The following ATP2A2 variants were observed in gnomAD, a reference collection of about 807,000 sequenced individuals.
The protein encoded by ATP2A2 is ATPase sarcoplasmic/endoplasmic reticulum Ca2+ transporting 2.
A neutral mutation model predicts 109.3 loss-of-function variants in ATP2A2; 14 were observed. That is an observed-to-expected ratio of 0.13 (90% CI 0.08 to 0.20). The LOEUF is 0.20. ATP2A2 is among the 10% of genes least tolerant of loss of function. The pLI is 1.00. For synonymous variants in ATP2A2, 506 were observed against 490.9 expected, an observed-to-expected ratio of 1.03 and a Z score of -0.41; for missense variants, 657 against 1,321.6, an observed-to-expected ratio of 0.50 and a Z score of 7.80.
chr12:110,335,002 T>C (rs1878706746), intron 11 of ATP2A2, among the ~76,000 whole-genome samples: 1 of 152,198 alleles, frequency 6.6e-6, no homozygotes, highest in African/African-American at 2.4e-5. Context: ...ACATTGTTCA[T>C]GTATACACTG....
chr12:110,315,465 T>A (rs1253128235), intron 5 of ATP2A2, among the ~76,000 whole-genome samples: 1 of 152,204 alleles, frequency 6.6e-6, no homozygotes, highest in Non-Finnish European at 1.5e-5. Context: ...TGTTAGCTTT[T>A]TTAATTTGGA....
intron 16 of ATP2A2, 137 bp from the exon 17 acceptor site, chr12:110,344,749 G>T (rs1879679189): frequency 2.4e-6 from 2 of 821,446 alleles, no homozygotes; most frequent in Non-Finnish European, 4.2e-6. Context: ...AGCAGGTGGT[G>T]GTAGCACCAC....
chr12:110,330,401 T>C (rs1878225943), intron 8 of ATP2A2: 1 of 152,240 alleles, frequency 6.6e-6, no homozygotes, highest in African/African-American at 2.4e-5. Flanking sequence ...GTGTTTGAGC[T>C]ACTTAAGTTC....
In ATP2A2 at chr12:110,345,902, C is replaced by T. The variant is rs1592868449; in HGVS notation, c.2742-99C>T. 4.1e-6 allele frequency: 5 copies of T among 1,214,504 alleles called. No individual in the cohort carries two copies. In the South Asian group the frequency reaches 4.8e-5, roughly 12 times the overall value. 75.2% of individuals were successfully genotyped at this position (1,214,504 alleles called of 1,614,324 possible). A position where few individuals can be genotyped will look rare whatever the true frequency, so the allele number is the denominator to read the frequency against. On this transcript the variant is annotated intron_variant, in intron 18 of 19. Coordinates refer to ENST00000539276, the MANE Select transcript of ATP2A2 (RefSeq NM_170665.4). ...AGGTCAGCGGATGGTGCCACATTAA[C>T]AGCCGCCTTACTGAAGTGTAGTCCA...
chr12:110,308,371 C>G (rs1875610103), intron 5 of ATP2A2, among the ~76,000 whole-genome samples: 1 of 151,868 alleles, frequency 6.6e-6, no homozygotes, highest in Admixed American at 6.6e-5. Flanking sequence ...TGCCCTTTAT[C>G]ATGTTGAGGA....
intron 3 of ATP2A2, among the ~76,000 whole-genome samples, chr12:110,285,100 CTTAAA>C (rs1872535415): frequency 6.6e-6 from 1 of 152,074 alleles, no homozygotes; most frequent in Admixed American, 6.5e-5. Context: ...TCAAGTCATG[CTTAAA>C]TTAAAAAGAA....
intron 6 of ATP2A2, among the ~76,000 whole-genome samples, chr12:110,325,405 G>T (rs1051421987): frequency 6.6e-6 from 1 of 151,760 alleles, no homozygotes; most frequent in African/African-American, 2.4e-5. Flanking sequence ...AGGCCGAGGT[G>T]GGGGGATCAC....
rs1354099616 is a variant in ATP2A2, at chr12:110,343,425, G to A, written c.2512G>A (p.Ala838Thr). 3 of 1,613,954 alleles carry A rather than the reference G, an allele frequency of 1.9e-6. No homozygotes were observed. Among genetic ancestry groups the A allele is most frequent in the Admixed American group, 3.3e-5 (2 of 59,998 alleles). The change falls in exon 16 of 20, where the codon GCT becomes ACT. Residue 838 changes from alanine (A) to threonine (T), a missense_variant. By Grantham distance (58) the Ala-to-Thr change is moderately conservative (BLOSUM62 0). Coordinates refer to ENST00000539276, the MANE Select transcript of ATP2A2 (RefSeq NM_170665.4). Reference protein sequence around the residue: ...ISGWLFFRYLAIGCYVGAATV... With the variant: ...ISGWLFFRYLTIGCYVGAATV... ...CGGGTGGCTCTTTTTCCGTTACTTG[G>A]CTATTGGCTGTGAGTACAATTTTTT...
In ATP2A2 at chr12:110,332,732, G is replaced by A. The variant is rs983212435; in HGVS notation, c.1184+47G>A. ...TTAAAGGATCTGGTGTGGCAGTTTA[G>A]TATTTGTATTGATTTGCAGCATGTC... On this transcript the variant is annotated intron_variant, in intron 9 of 19. Coordinates refer to ENST00000539276, the MANE Select transcript of ATP2A2 (RefSeq NM_170665.4). 2.7e-6 allele frequency: 4 copies of A among 1,471,534 alleles called. No homozygotes were observed. The East Asian group carries it at 9.0e-5, about 33-fold the overall frequency. 91.2% of individuals were successfully genotyped at this position (1,471,534 alleles called of 1,614,324 possible). A position where few individuals can be genotyped will look rare whatever the true frequency, so the allele number is the denominator to read the frequency against.
chr12:110,333,144 C>T, intron 9 of ATP2A2, 37 bp from the exon 10 acceptor site: 1 of 1,557,300 alleles, frequency 6.4e-7, no homozygotes, highest in Non-Finnish European at 8.9e-7. Context: ...ATAGTGGCGA[C>T]CATACCCTGC....
At position 110,309,461 on chromosome 12, in the gene ATP2A2, A is replaced by C. The variant is rs1177382076; in HGVS notation, c.463+12724A>C. Among the ~76,000 whole-genome samples the C allele has an allele frequency of 3.9e-5, 6 of 152,048 alleles. 1 individual carries two copies. Among genetic ancestry groups the C allele is most frequent in the Admixed American group, 3.9e-4 (6 of 15,242 alleles). ...GTGTGAGCCACCATGCCCAGCCAGG[A>C]AACTAAATTTTATATGTTGCTATAC... On this transcript the variant is annotated intron_variant, in intron 5 of 19. Coordinates refer to ENST00000539276, the MANE Select transcript of ATP2A2 (RefSeq NM_170665.4).
At chr12:110,318,900 T>G (rs1248515931) in intron 5 of ATP2A2, among the ~76,000 whole-genome samples, 2 of 152,300 alleles carry the variant, frequency 1.3e-5, no homozygotes, top group East Asian at 1.9e-4. Flanking sequence ...GCTTTGGAGC[T>G]TTTTAGCTTC....
chr12:110,281,100 A>C (rs1592780976), upstream of ATP2A2: 1 of 149,136 alleles, frequency 6.7e-6, no homozygotes, highest in Non-Finnish European at 1.5e-5. Context: ...CCTGCGCGGC[A>C]GCGTGGGCGC....
Position 110,350,220 on chromosome 12 carries a change from T to C in ATP2A2, c.*3750T>C, listed in dbSNP as rs1880273531. On this transcript the variant is annotated 3_prime_UTR_variant, in exon 20 of 20. Coordinates refer to ENST00000539276, the MANE Select transcript of ATP2A2 (RefSeq NM_170665.4). ...TCATCTGTCGCTGTTGATCTTCATC[T>C]ATTTAAATAGGTATTCTAACGTTTC... 1.1e-5 allele frequency: 17 copies of C among 1,613,886 alleles called. No homozygotes were observed. Among genetic ancestry groups the C allele is most frequent in the Admixed American group, 1.7e-5 (1 of 59,960 alleles).
intron 5 of ATP2A2, among the ~76,000 whole-genome samples, chr12:110,304,148 T>C (rs1874992158): frequency 6.6e-6 from 1 of 152,262 alleles, no homozygotes; most frequent in Non-Finnish European, 1.5e-5. Flanking sequence ...ATGTATTTCA[T>C]TCCTTACTGC....
Position 110,348,413 on chromosome 12 carries a change from A to G in ATP2A2, c.*1943A>G. On this transcript the variant is annotated 3_prime_UTR_variant, in exon 20 of 20. Coordinates refer to ENST00000539276, the MANE Select transcript of ATP2A2 (RefSeq NM_170665.4). Reference sequence around the variant, plus strand: ...TGTGAGGCCTCGACTATATTCTTCAAAATGTACTTAGGCTCTGGTTACTGG... The same window carrying G: ...TGTGAGGCCTCGACTATATTCTTCAGAATGTACTTAGGCTCTGGTTACTGG... 1.0e-6 allele frequency: 1 copy of G among 985,452 alleles called. No homozygotes were observed. Among genetic ancestry groups the G allele is most frequent in the Non-Finnish European group, 1.2e-6 (1 of 830,014 alleles). The allele number at this position is 985,452 out of a possible 1,614,324, so 61.0% of individuals were successfully genotyped here. A position where few individuals can be genotyped will look rare whatever the true frequency, so the allele number is the denominator to read the frequency against.
At position 110,307,209 on chromosome 12, in the gene ATP2A2, C is replaced by G. The variant is rs1002832685; in HGVS notation, c.463+10472C>G. 3.4e-5 allele frequency among the ~76,000 whole-genome samples: 5 copies of G among 148,572 alleles called. No homozygotes were observed. The South Asian group carries it at 1.1e-3, about 31-fold the overall frequency. On this transcript the variant is annotated intron_variant, in intron 5 of 19. Transcript: ENST00000539276. ...TGCCAGCAGTGTATAAGTGTTCCCCCCAGCCCCACCACCTTTTTTTTTTTT... is the reference window on the plus strand; with the variant it reads ...TGCCAGCAGTGTATAAGTGTTCCCCGCAGCCCCACCACCTTTTTTTTTTTT...
intron 4 of ATP2A2, 53 bp from the exon 5 acceptor site, chr12:110,296,546 A>G: frequency 6.2e-7 from 1 of 1,610,052 alleles, no homozygotes; most frequent in Non-Finnish European, 8.5e-7. Context: ...TGGGTTAGAA[A>G]TAATTGCAGT....
In ATP2A2 at chr12:110,325,941, T is replaced by A. The variant is rs142230058; in HGVS notation, c.545-449T>A. ...AAGTTGAGGCTGTAGTGAGTTGTGA[T>A]GGTGCCATTGCACCAGCCCGGGTGA... On this transcript the variant is annotated intron_variant, in intron 6 of 19. Transcript: ENST00000539276. 1.6e-3 allele frequency: 304 copies of A among 190,368 alleles called. 8 individuals carry two copies. The East Asian group carries it at 0.023, about 14-fold the overall frequency. The allele number at this position is 190,368 out of a possible 1,614,324, so 11.8% of individuals were successfully genotyped here.
Sources: gnomAD v4.1 joint callset for allele counts (sites outside exome capture counted in the v4.1 genomes callset) on GRCh38, gnomAD v4.1.1 for gene constraint, MANE v1.5 for transcripts, NCBI Gene and HGNC (gene_info 2026-07-23, HGNC 2026-07-21) for gene names.